The following CHIC1 variants were observed in gnomAD, a reference collection of about 807,000 sequenced individuals.
CHIC1 encodes the protein cysteine rich hydrophobic domain 1.
In CHIC1, 7 loss-of-function variants were observed where a neutral mutation model predicts 18.5. The observed-to-expected ratio is 0.38, with a 90% confidence interval of 0.22 to 0.71. The LOEUF is 0.71. Among genes scored for constraint, CHIC1 ranks in the 30% least tolerant of loss-of-function variants. The pLI is 0.49. For synonymous variants in CHIC1, 77 were observed against 73.5 expected, an observed-to-expected ratio of 1.05 and a Z score of -0.25; for missense variants, 159 against 176.9, an observed-to-expected ratio of 0.90 and a Z score of 0.57.
chrX:73,623,666 C>T (rs1298556730), intron 3 of CHIC1, among the ~76,000 whole-genome samples: 1 of 111,046 alleles, frequency 9.0e-6, no homozygotes, highest in African/African-American at 3.3e-5. Context: ...AATGTTTTAA[C>T]CCTCTAAACT....
At chrX:73,584,611 A>G in intron 3 of CHIC1, 39 bp downstream of exon 3, 10 of 1,016,623 alleles carry the variant, frequency 9.8e-6, no homozygotes, top group Non-Finnish European at 1.3e-5. Flanking sequence ...AATAATAACT[A>G]ACATTTATGG....
chrX:73,587,735 A>G (rs1467493803), intron 3 of CHIC1, among the ~76,000 whole-genome samples: 1 of 111,881 alleles, frequency 8.9e-6, no homozygotes, highest in Non-Finnish European at 1.9e-5. Context: ...AGAATTAAGC[A>G]AATTACGTGT....
In CHIC1 at chrX:73,682,250, C is replaced by T. The variant is rs2058102222; in HGVS notation, c.*1245C>T. The T allele has an allele frequency of 8.9e-6, 1 of 111,895 alleles. No homozygotes were observed. The highest frequency in any genetic ancestry group is 3.6e-4 in the South Asian group (1 of 2,746). The allele number at this position is 111,895 out of a possible 1,213,427, so 9.2% of individuals were successfully genotyped here. The stretch of plus-strand genomic sequence containing the variant: ...AGTATTTTAGTTTATAAATTCAGCA[C>T]ATATGTAACATTTATTTGGTCCATA... On this transcript the variant is annotated 3_prime_UTR_variant, in exon 6 of 6. Transcript: ENST00000373502.
chrX:73,643,805 T>C (rs776008521), intron 3 of CHIC1, among the ~76,000 whole-genome samples: 3 of 111,828 alleles, frequency 2.7e-5, no homozygotes, highest in South Asian at 3.7e-4. Context: ...TCTTTGCCTT[T>C]GGTTTGAATT....
chrX:73,653,223 G>T (rs966088553), intron 3 of CHIC1, among the ~76,000 whole-genome samples: 1 of 110,332 alleles, frequency 9.1e-6, no homozygotes, highest in Non-Finnish European at 1.9e-5. Flanking sequence ...GGGTCTGTTG[G>T]GGGGTGTGGG....
chrX:73,619,349 A>G (rs965202150), intron 3 of CHIC1, among the ~76,000 whole-genome samples: 1 of 110,412 alleles, frequency 9.1e-6, no homozygotes, highest in African/African-American at 3.3e-5. Context: ...TCCTCTCCCC[A>G]GCCACTCTAT....
At chrX:73,612,044 T>G (rs1322863706) in intron 3 of CHIC1, among the ~76,000 whole-genome samples, 1 of 109,414 alleles carries the variant, frequency 9.1e-6, no homozygotes, top group Non-Finnish European at 1.9e-5. Flanking sequence ...ATTTGTCAAT[T>G]TTGTCTTTTG....
intron 3 of CHIC1, among the ~76,000 whole-genome samples, chrX:73,618,279 G>C (rs1233298886): frequency 8.9e-6 from 1 of 111,761 alleles, no homozygotes; most frequent in Non-Finnish European, 1.9e-5. Context: ...ACTTTCAATA[G>C]AGCATCAGCT....
At chrX:73,596,448 C>T (rs1180405074) in intron 3 of CHIC1, among the ~76,000 whole-genome samples, 1 of 111,638 alleles carries the variant, frequency 9.0e-6, no homozygotes, top group Non-Finnish European at 1.9e-5. Flanking sequence ...AATAGCCATA[C>T]TGCCCAAAGT....
intron 3 of CHIC1, among the ~76,000 whole-genome samples, chrX:73,661,589 A>C (rs892374901): frequency 8.9e-6 from 1 of 112,008 alleles, no homozygotes. Flanking sequence ...TGTGGGCTCA[A>C]ATATGTGATA....
chrX:73,681,141 G>T lies in CHIC1; in HGVS notation c.*136G>T, dbSNP rs1266208212. On this transcript the variant is annotated 3_prime_UTR_variant, in exon 6 of 6. Transcript: ENST00000373502. The stretch of plus-strand genomic sequence containing the variant: ...GGTAGAATATTCTTCTCGCTCTTTT[G>T]TGTTGGTTTATGAAGAAAATTTGCA... The T allele has an allele frequency of 2.3e-6, 1 of 444,317 alleles. No individual in the cohort carries two copies. The highest frequency in any genetic ancestry group is 2.6e-5 in the African/African-American group (1 of 38,618). 36.6% of individuals were successfully genotyped at this position (444,317 alleles called of 1,213,427 possible).
At chrX:73,607,432 A>T (rs2057688249) in intron 3 of CHIC1, among the ~76,000 whole-genome samples, 1 of 107,633 alleles carries the variant, frequency 9.3e-6, no homozygotes, top group East Asian at 2.9e-4. Flanking sequence ...TGGGGGTGGG[A>T]TCCACTGAGC....
At chrX:73,582,858 T>C (rs2057534293) in intron 2 of CHIC1, among the ~76,000 whole-genome samples, 1 of 111,270 alleles carries the variant, frequency 9.0e-6, no homozygotes. Flanking sequence ...GTAACTATAA[T>C]TCAAGTCTCT....
intron 1 of CHIC1, among the ~76,000 whole-genome samples, chrX:73,568,702 A>G (rs1186749496): frequency 1.8e-5 from 2 of 111,588 alleles, no homozygotes; most frequent in Non-Finnish European, 3.8e-5. Context: ...TTACACCTGC[A>G]TAAAAATTAG....
intron 1 of CHIC1, among the ~76,000 whole-genome samples, chrX:73,565,995 C>T (rs935892445): frequency 1.7e-4 from 19 of 110,763 alleles, no homozygotes; most frequent in Admixed American, 1.4e-3. Flanking sequence ...CTCCACATTG[C>T]CCGTGCTTTT....
intron 3 of CHIC1, among the ~76,000 whole-genome samples, chrX:73,621,510 G>C (rs751341869): frequency 1.8e-5 from 2 of 111,790 alleles, no homozygotes; most frequent in Non-Finnish European, 3.8e-5. Context: ...TCTATTATTG[G>C]TTTATAGGAA....
At chrX:73,676,547 G>A (rs769049259) in intron 3 of CHIC1, among the ~76,000 whole-genome samples, 19 of 111,450 alleles carry the variant, frequency 1.7e-4, no homozygotes, top group African/African-American at 5.6e-4. Flanking sequence ...TTCTGCATTC[G>A]TCACGTAGCT....
In CHIC1 at chrX:73,680,365, G is replaced by C. The variant is rs761263980; in HGVS notation, c.625-590G>C. Among the ~76,000 whole-genome samples the C allele has an allele frequency of 9.0e-5, 10 of 110,765 alleles. No homozygotes were observed. In the South Asian group the frequency reaches 3.8e-3, roughly 42 times the overall value. ...TCTCTACACTTTGAATAATTTTGGG[G>C]AAAATATGCATATGACCACAAGTCT... On this transcript the variant is annotated intron_variant, in intron 5 of 5. Coordinates refer to ENST00000373502, the MANE Select transcript of CHIC1 (RefSeq NM_001039840.4).
intron 3 of CHIC1, among the ~76,000 whole-genome samples, chrX:73,665,581 G>T (rs951437582): frequency 1.7e-4 from 19 of 111,212 alleles, no homozygotes; most frequent in Non-Finnish European, 3.2e-4. Flanking sequence ...TGAAACCCTA[G>T]CCTGAACAAC....
Sources: gnomAD v4.1 joint callset for allele counts (sites outside exome capture counted in the v4.1 genomes callset) on GRCh38, gnomAD v4.1.1 for gene constraint, MANE v1.5 for transcripts, NCBI Gene and HGNC (gene_info 2026-07-23, HGNC 2026-07-21) for gene names.